Variants in RASGRF2 observed in about 807,000 individuals in gnomAD.
RASGRF2 encodes ras-specific guanine nucleotide-releasing factor 2.
In RASGRF2, 76 loss-of-function variants were observed where a neutral mutation model predicts 151.0. The observed-to-expected ratio is 0.50, with a 90% CI of 0.42 to 0.61. The LOEUF is 0.61. Among genes scored for constraint, RASGRF2 ranks in the 20% least tolerant of loss-of-function variants. RASGRF2 has a pLI of 0.00. For missense variants in RASGRF2, 1,148 were observed against 1,564.6 expected, an observed-to-expected ratio of 0.73 and a Z score of 4.49; for synonymous variants, 504 against 566.5, an observed-to-expected ratio of 0.89 and a Z score of 1.57.
chr5:81,208,052 T>C lies in RASGRF2; in HGVS notation c.3072-302T>C, dbSNP rs116961679. Among the ~76,000 whole-genome samples, 1,090 of 152,348 alleles carry C rather than the reference T, an allele frequency of 7.2e-3. 17 individuals carry two copies. Among genetic ancestry groups the C allele is most frequent in the East Asian group, 0.034 (174 of 5,190 alleles). On this transcript the variant is annotated intron_variant, in intron 21 of 26. Coordinates refer to ENST00000265080, the MANE Select transcript of RASGRF2 (RefSeq NM_006909.3). ...TAAGGTAGTACTTAACCTCTTTATT[T>C]CCCTTGTGTTGGTTCTTGTTTTCCA...
rs114606026 is a variant in RASGRF2, at chr5:80,986,959, C to T, written c.288+25933C>T. Among the ~76,000 whole-genome samples the T allele has an allele frequency of 7.0e-3, 1,062 of 152,290 alleles. 19 individuals carry two copies. The highest frequency in any genetic ancestry group is 0.024 in the African/African-American group (1,007 of 41,564). ...CTGGCCCCTTTACTCACACTGCCCC[C>T]ATATCTGGGCCCCAGTCACACCATA... On this transcript the variant is annotated intron_variant, in intron 1 of 26. Coordinates refer to ENST00000265080, the MANE Select transcript of RASGRF2 (RefSeq NM_006909.3).
chr5:80,996,004 T>C (rs993087609), intron 1 of RASGRF2, among the ~76,000 whole-genome samples: 19 of 152,104 alleles, frequency 1.2e-4, no homozygotes, highest in Non-Finnish European at 1.5e-5. Flanking sequence ...CAAACCATTG[T>C]TTCTTGACAG....
At chr5:80,994,786 A>AT (rs1748780665) in intron 1 of RASGRF2, among the ~76,000 whole-genome samples, 1 of 152,172 alleles carries the variant, frequency 6.6e-6, no homozygotes, top group African/African-American at 2.4e-5. Context: ...ATTACAGTGG[A>AT]TTTTCCCCAG....
chr5:80,964,018 A>C (rs1357009413), intron 1 of RASGRF2, among the ~76,000 whole-genome samples: 1 of 145,620 alleles, frequency 6.9e-6, no homozygotes, highest in Admixed American at 6.9e-5. Flanking sequence ...TTTTTTTTAC[A>C]CTTGGACTTA....
At chr5:80,972,528 G>A (rs533071624) in intron 1 of RASGRF2, among the ~76,000 whole-genome samples, 1 of 152,060 alleles carries the variant, frequency 6.6e-6, no homozygotes, top group Non-Finnish European at 1.5e-5. Context: ...CACCCAGGCT[G>A]GAGTGCAGTG....
intron 1 of RASGRF2, among the ~76,000 whole-genome samples, chr5:80,974,982 C>G (rs537141303): frequency 2.0e-5 from 3 of 152,218 alleles, no homozygotes; most frequent in Non-Finnish European, 2.9e-5. Flanking sequence ...TTTCTGAGAG[C>G]TTGTCTACTT....
intron 1 of RASGRF2, among the ~76,000 whole-genome samples, chr5:81,028,213 A>C (rs545996659): frequency 6.6e-6 from 1 of 152,246 alleles, no homozygotes; most frequent in South Asian, 2.1e-4. Flanking sequence ...ACAATTAGGA[A>C]ATAAATTTTT....
chr5:81,000,838 C>T (rs1749057247), intron 1 of RASGRF2, among the ~76,000 whole-genome samples: 1 of 152,184 alleles, frequency 6.6e-6, no homozygotes, highest in African/African-American at 2.4e-5. Context: ...GCATGATACT[C>T]AAAATACAGA....
At chr5:80,985,008 G>A (rs992424421) in intron 1 of RASGRF2, among the ~76,000 whole-genome samples, 3 of 152,150 alleles carry the variant, frequency 2.0e-5, no homozygotes, top group Admixed American at 6.5e-5. Context: ...TCTGGAGTTC[G>A]AGACCAGCCT....
At chr5:80,994,408 C>T (rs976625114) in intron 1 of RASGRF2, among the ~76,000 whole-genome samples, 5 of 149,662 alleles carry the variant, frequency 3.3e-5, no homozygotes, top group African/African-American at 1.2e-4. Context: ...AAGCAACGAT[C>T]GAACTCTACA....
chr5:81,061,328 A>G (rs962396032), intron 2 of RASGRF2, among the ~76,000 whole-genome samples: 1 of 152,160 alleles, frequency 6.6e-6, no homozygotes, highest in Non-Finnish European at 1.5e-5. Context: ...TTATGAAGGC[A>G]AAGGATATAA....
intron 1 of RASGRF2, among the ~76,000 whole-genome samples, chr5:81,011,458 G>A (rs549762397): frequency 1.2e-4 from 18 of 152,188 alleles, no homozygotes; most frequent in African/African-American, 3.9e-4. Flanking sequence ...ATAGTTACTT[G>A]GGGCCCGGCA....
chr5:81,188,310 T>C (rs185846564), intron 18 of RASGRF2, among the ~76,000 whole-genome samples: 19 of 152,362 alleles, frequency 1.2e-4, no homozygotes, highest in Admixed American at 1.2e-3. Context: ...CTGCTGTGAA[T>C]AGGGCTTTTG....
intron 17 of RASGRF2, among the ~76,000 whole-genome samples, chr5:81,139,994 A>AT (rs1486931314): frequency 2.0e-5 from 3 of 151,660 alleles, no homozygotes; most frequent in Admixed American, 6.6e-5. Flanking sequence ...AATCTGGCTA[A>AT]TTTTTTTTAG....
intron 18 of RASGRF2, among the ~76,000 whole-genome samples, chr5:81,193,775 C>T (rs1755201286): frequency 1.3e-5 from 2 of 152,182 alleles, no homozygotes; most frequent in African/African-American, 4.8e-5. Context: ...GCCTCAGCCT[C>T]CCGTAGTGCT....
chr5:81,091,421 C>T (rs960888842), intron 9 of RASGRF2, among the ~76,000 whole-genome samples: 1 of 152,132 alleles, frequency 6.6e-6, no homozygotes, highest in African/African-American at 2.4e-5. Flanking sequence ...GCCCATTGTT[C>T]CCCAATCCCA....
At position 81,094,311 on chromosome 5, in the gene RASGRF2, T is replaced by C. The variant is rs757423106; in HGVS notation, c.1567T>C (p.Ser523Pro). 6.2e-7 allele frequency: 1 copy of C among 1,613,534 alleles called. No homozygotes were observed. Among genetic ancestry groups the C allele is most frequent in the Non-Finnish European group, 8.5e-7 (1 of 1,179,896 alleles). The change falls in exon 11 of 27, where the codon TCT becomes CCT. Residue 523 changes from serine to proline, a missense_variant. Ser to Pro is a moderately conservative substitution (Grantham distance 74). Coordinates refer to ENST00000265080, the MANE Select transcript of RASGRF2 (RefSeq NM_006909.3). Reference protein sequence around the residue: ...LHLLKTGGVLSLIDCTLIEEP... With the variant: ...LHLLKTGGVLPLIDCTLIEEP... ...TTGTTTCCAGACAGGTGGGGTTCTG[T>C]CTCTAATAGACTGCACATTGATTGA...
At position 80,960,928 on chromosome 5, in the gene RASGRF2, G is replaced by A. The variant is rs1170723685; in HGVS notation, c.190G>A (p.Gly64Ser). Residue 64 changes from glycine to serine, a missense_variant, in exon 1 of 27, where the codon GGC becomes AGC. Physicochemically the swap from Gly to Ser is moderately conservative, Grantham distance 56 (BLOSUM62 0). Around this residue, in one of 5 missense-constraint regions of RASGRF2, gnomAD observed 221 missense variants for 271.3 expected, o/e 0.81. Coordinates refer to ENST00000265080, the MANE Select transcript of RASGRF2 (RefSeq NM_006909.3). The surrounding 1 kb of genome is among the most constrained non-coding windows in gnomAD (Gnocchi z 5.5). ...GGGCGAGCAGAGCTGCCGCCCGGCG[G>A]GCATGTACCTCCTGGAGGGCTGCAG... ...FEGEQSCRPA[G>S]MYLLEGCSCE... 1 of 1,595,228 alleles carries A rather than the reference G, an allele frequency of 6.3e-7. No homozygotes were observed. Among genetic ancestry groups the A allele is most frequent in the African/African-American group, 1.3e-5 (1 of 74,480 alleles).
chr5:81,136,626 T>C (rs948241880), intron 17 of RASGRF2, among the ~76,000 whole-genome samples: 20 of 152,206 alleles, frequency 1.3e-4, no homozygotes, highest in African/African-American at 4.8e-4. Context: ...TGCTTGGTGT[T>C]CTCTGAGCTT....
Sources: gnomAD v4.1 joint callset for allele counts (sites outside exome capture counted in the v4.1 genomes callset) on GRCh38, gnomAD v4.1.1 for gene constraint, gnomAD v4.1.1 regional missense constraint, Gnocchi (gnomAD v3.1) non-coding constraint, MANE v1.5 for transcripts, NCBI Gene and HGNC (gene_info 2026-07-23, HGNC 2026-07-21) for gene names.